Variants in PLEKHA5 observed in about 807,000 individuals in gnomAD.
PLEKHA5 encodes pleckstrin homology domain-containing family A member 5.
In PLEKHA5, 55 loss-of-function variants were observed where a neutral mutation model predicts 181.9. The observed-to-expected ratio is 0.30, with a 90% confidence interval of 0.24 to 0.38. The LOEUF (loss-of-function observed/expected upper bound fraction) is 0.38. Ranked by LOEUF, PLEKHA5 falls within the 10% of genes least tolerant of loss-of-function variation. The pLI, the probability that PLEKHA5 is intolerant of heterozygous loss-of-function variation, is 1.00. For missense variants in PLEKHA5, 1,432 were observed against 1,549.5 expected (o/e 0.92, Z 1.27); for synonymous variants, 535 against 529.4 (o/e 1.01, Z -0.15).
At position 19,343,294 on chromosome 12, in the gene PLEKHA5, A is replaced by G. The variant is rs368122948; in HGVS notation, c.2551-29A>G. ...ACTTCAGTGAATGATTTTTTTTCTTATATATGGTCTATCCATTTTTACTGA... is the reference window on the plus strand; with the variant it reads ...ACTTCAGTGAATGATTTTTTTTCTTGTATATGGTCTATCCATTTTTACTGA... On this transcript the variant is annotated intron_variant, in intron 21 of 31. Coordinates refer to ENST00000429027, the MANE Select transcript of PLEKHA5 (RefSeq NM_001256470.2). 29 of 1,325,456 alleles carry G rather than the reference A, an allele frequency of 2.2e-5. No homozygotes were observed. The African/African-American group carries it at 4.1e-4, about 19-fold the overall frequency. The allele number at this position is 1,325,456 out of a possible 1,614,324, so 82.1% of individuals were successfully genotyped here.
chr12:19,208,597 AT>A (rs890776621), intron 3 of PLEKHA5, among the ~76,000 whole-genome samples: 3 of 152,082 alleles, frequency 2.0e-5, no homozygotes, highest in Admixed American at 6.6e-5. Flanking sequence ...CTAAGCTCTC[AT>A]TTTTTGGCAC....
chr12:19,208,320 T>A (rs2056109708), intron 3 of PLEKHA5, among the ~76,000 whole-genome samples: 1 of 151,624 alleles, frequency 6.6e-6, no homozygotes, highest in Admixed American at 6.6e-5. Context: ...AGGAGGAGAA[T>A]CGCTTGAACC....
chr12:19,328,989 A>G (rs190378214), intron 20 of PLEKHA5, among the ~76,000 whole-genome samples: 13 of 152,184 alleles, frequency 8.5e-5, no homozygotes, highest in African/African-American at 2.9e-4. Context: ...GATGGCCTTT[A>G]CTATTTTAGG....
chr12:19,133,309 T>C (rs1358380331), intron 3 of PLEKHA5, among the ~76,000 whole-genome samples: 1 of 152,000 alleles, frequency 6.6e-6, no homozygotes, highest in Non-Finnish European at 1.5e-5. Context: ...GTCAACATCA[T>C]GTAGGAAAAA....
chr12:19,158,307 C>T (rs530422664), intron 3 of PLEKHA5, among the ~76,000 whole-genome samples: 27 of 151,866 alleles, frequency 1.8e-4, no homozygotes, highest in African/African-American at 5.6e-4. Flanking sequence ...GAGCCGAGAT[C>T]GCACCACTGC....
At chr12:19,252,765 T>C (rs1044052137) in intron 3 of PLEKHA5, among the ~76,000 whole-genome samples, 9 of 152,120 alleles carry the variant, frequency 5.9e-5, no homozygotes, top group Non-Finnish European at 1.0e-4. Context: ...AAAAAATTAA[T>C]CTCATTACAT....
intron 3 of PLEKHA5, among the ~76,000 whole-genome samples, chr12:19,218,276 G>A (rs916286608): frequency 6.6e-6 from 1 of 152,108 alleles, no homozygotes; most frequent in Non-Finnish European, 1.5e-5. Flanking sequence ...CAGGTTACCA[G>A]TAATGTTTGC....
chr12:19,132,719 T>C (rs375308829), intron 3 of PLEKHA5, among the ~76,000 whole-genome samples: 181 of 152,092 alleles, frequency 1.2e-3, no homozygotes, highest in Middle Eastern at 3.4e-3. Flanking sequence ...ATTTTGTATC[T>C]TCGTTTTTTT....
At chr12:19,353,189 T>A (rs1034227709) in intron 25 of PLEKHA5, among the ~76,000 whole-genome samples, 1 of 152,138 alleles carries the variant, frequency 6.6e-6, no homozygotes. Context: ...GAGTCTTCTC[T>A]GTCACCCAGG....
intron 13 of PLEKHA5, among the ~76,000 whole-genome samples, chr12:19,289,530 A>C (rs1392209215): frequency 6.6e-6 from 1 of 152,246 alleles, no homozygotes; most frequent in Non-Finnish European, 1.5e-5. Flanking sequence ...GCCTGCTTTC[A>C]GTTGTTAATC....
intron 30 of PLEKHA5, among the ~76,000 whole-genome samples, chr12:19,369,158 C>T (rs940023050): frequency 6.6e-6 from 1 of 151,844 alleles, no homozygotes; most frequent in African/African-American, 2.4e-5. Flanking sequence ...CCCCGGCCTC[C>T]TAAGTAGCTA....
intron 29 of PLEKHA5, 101 bp from the exon 30 acceptor site, chr12:19,365,863 C>G (rs1236628771): frequency 1.5e-6 from 1 of 668,054 alleles, no homozygotes; most frequent in East Asian, 3.0e-5. Context: ...AGAAAATGTT[C>G]GTTGTTAAAC....
At chr12:19,229,852 C>G (rs1439801398) in intron 3 of PLEKHA5, among the ~76,000 whole-genome samples, 2 of 152,120 alleles carry the variant, frequency 1.3e-5, no homozygotes, top group Admixed American at 1.3e-4. Flanking sequence ...GGTGCATTTA[C>G]AATCCCTGAG....
At chr12:19,345,713 A>G (rs778046509) in intron 22 of PLEKHA5, 129 bp from the exon 23 acceptor site, 32 of 461,880 alleles carry the variant, frequency 6.9e-5, no homozygotes, top group Non-Finnish European at 1.0e-4. Context: ...CAGTGAGCTG[A>G]GATCACGCCA....
chr12:19,167,501 G>T (rs897218950), intron 3 of PLEKHA5, among the ~76,000 whole-genome samples: 6 of 139,658 alleles, frequency 4.3e-5, no homozygotes, highest in Non-Finnish European at 9.0e-5. Flanking sequence ...TAGTTATGCT[G>T]ACAGCTTTCA....
At position 19,147,601 on chromosome 12, in the gene PLEKHA5, T is replaced by TC. The variant is rs1283322341; in HGVS notation, c.227+15151_227+15152insC. Among the ~76,000 whole-genome samples the TC allele has an allele frequency of 7.3e-5, 11 of 150,628 alleles. 1 individual carries two copies. The highest frequency in any genetic ancestry group is 2.7e-4 in the African/African-American group (11 of 40,860). On this transcript the variant is annotated intron_variant, in intron 3 of 31. Transcript: ENST00000429027. ...TATTTTGTAGTTTCTTTTTTCTTTT[T>TC]TTTTTTTTTTGGCAAATGAATGAAT... is the stretch of plus-strand genomic sequence containing the variant.
chr12:19,311,152 G>C (rs528494157), intron 15 of PLEKHA5, among the ~76,000 whole-genome samples: 1 of 151,918 alleles, frequency 6.6e-6, no homozygotes, highest in Non-Finnish European at 1.5e-5. Context: ...ATTGGAGTGG[G>C]GTCGGGCATG....
intron 15 of PLEKHA5, chr12:19,306,513 G>T: frequency 1.4e-6 from 1 of 727,388 alleles, no homozygotes; most frequent in Non-Finnish European, 2.6e-6. Flanking sequence ...TTGATGTGTT[G>T]AAGCAGGAGG....
chr12:19,243,404 C>T (rs2063051004), intron 3 of PLEKHA5: 1 of 152,132 alleles, frequency 6.6e-6, no homozygotes, highest in South Asian at 2.1e-4. Context: ...CAAATGGGCT[C>T]TGTGAGGATT....
Sources: allele counts gnomAD v4.1 joint callset (sites outside exome capture counted in the v4.1 genomes callset), GRCh38; gene constraint gnomAD v4.1.1; transcripts MANE v1.5; gene names NCBI Gene and HGNC (gene_info 2026-07-23, HGNC 2026-07-21).